The following LTBP1 variants were observed in gnomAD, a reference collection of about 807,000 sequenced individuals.
The protein encoded by LTBP1 is latent-transforming growth factor beta-binding protein 1.
A neutral mutation model predicts 207.6 loss-of-function variants in LTBP1; 129 were observed. That is an observed-to-expected ratio of 0.62 (90% CI 0.54 to 0.72). The LOEUF is 0.72. Among genes scored for constraint, LTBP1 ranks in the 30% least tolerant of loss-of-function variants. LTBP1 has a pLI of 0.00. For synonymous variants in LTBP1, 963 were observed against 833.7 expected, an observed-to-expected ratio of 1.16 and a Z score of -2.67; for missense variants, 2,281 against 2,217.2, an observed-to-expected ratio of 1.03 and a Z score of -0.58.
intron 24 of LTBP1, among the ~76,000 whole-genome samples, chr2:33,330,185 A>G (rs1038872626): frequency 2.6e-5 from 4 of 152,074 alleles, no homozygotes; most frequent in African/African-American, 7.2e-5. Flanking sequence ...TTACCAGTAT[A>G]TAGAGCTAAA....
chr2:33,107,626 C>A (rs1360327728), intron 3 of LTBP1, among the ~76,000 whole-genome samples: 2 of 152,168 alleles, frequency 1.3e-5, no homozygotes, highest in African/African-American at 2.4e-5. Context: ...AGCTCTTCAT[C>A]AGTACAGAGT....
chr2:33,256,025 A>G (rs1164595659), intron 11 of LTBP1, among the ~76,000 whole-genome samples: 1 of 150,882 alleles, frequency 6.6e-6, no homozygotes, highest in Non-Finnish European at 1.5e-5. Flanking sequence ...CCCCTTCACT[A>G]TTCATGGGGA....
chr2:33,055,643 A>T (rs2076958998), intron 3 of LTBP1, among the ~76,000 whole-genome samples: 1 of 152,198 alleles, frequency 6.6e-6, no homozygotes. Flanking sequence ...GTTTGATCTA[A>T]CAGTAGCATG....
Position 33,364,296 on chromosome 2 carries a change from ACTC to A in LTBP1, c.4481_4483del (p.Thr1494_His1495delinsAsn). ...AGAGGGCTCTTACAACTGCTTCTGT[ACTC>A]ACCCCATGGTCCTGGATGCGTCAGA... On this transcript the variant is annotated inframe_deletion, in exon 30 of 34. Transcript: ENST00000404816. The A allele has an allele frequency of 6.2e-7, 1 of 1,613,936 alleles. No homozygotes were observed. The highest frequency in any genetic ancestry group is 8.5e-7 in the Non-Finnish European group (1 of 1,179,936).
intron 3 of LTBP1, among the ~76,000 whole-genome samples, chr2:33,027,170 A>G (rs2075457436): frequency 6.6e-6 from 1 of 152,148 alleles, no homozygotes; most frequent in African/African-American, 2.4e-5. Context: ...CTCTTGATGG[A>G]TGTTTGGATT....
At chr2:33,119,657 T>C (rs1291634988) in intron 4 of LTBP1, among the ~76,000 whole-genome samples, 2 of 152,118 alleles carry the variant, frequency 1.3e-5, no homozygotes, top group Non-Finnish European at 2.9e-5. Context: ...CCCGGGTTCA[T>C]GCCATTCTTC....
At chr2:33,272,262 G>C (rs2093336892) in intron 15 of LTBP1, among the ~76,000 whole-genome samples, 1 of 152,168 alleles carries the variant, frequency 6.6e-6, no homozygotes, top group African/African-American at 2.4e-5. Flanking sequence ...TTTTACTGCA[G>C]AATAGACAGT....
At chr2:33,201,208 CAA>C (rs1254272298) in intron 7 of LTBP1, among the ~76,000 whole-genome samples, 2 of 152,036 alleles carry the variant, frequency 1.3e-5, no homozygotes, top group African/African-American at 2.4e-5. Flanking sequence ...TTCACAATAG[CAA>C]AGACTTGGAA....
At chr2:33,289,581 G>T (rs1213337165) in intron 19 of LTBP1, among the ~76,000 whole-genome samples, 1 of 152,112 alleles carries the variant, frequency 6.6e-6, no homozygotes, top group African/African-American at 2.4e-5. Context: ...GGCCAGACTG[G>T]TCTCAAACTC....
intron 2 of LTBP1, among the ~76,000 whole-genome samples, chr2:32,991,173 T>G (rs1684352005): frequency 6.6e-6 from 1 of 152,246 alleles, no homozygotes; most frequent in Admixed American, 6.5e-5. Context: ...AAACAGAAGA[T>G]ATGATCTTAT....
At chr2:33,028,963 G>T (rs1301373393) in intron 3 of LTBP1, among the ~76,000 whole-genome samples, 1 of 152,144 alleles carries the variant, frequency 6.6e-6, no homozygotes, top group Non-Finnish European at 1.5e-5. Context: ...TAGTACTCAT[G>T]AATATTCAAT....
chr2:33,221,388 T>A lies in LTBP1; in HGVS notation c.1805-692T>A, dbSNP rs528193487. Among the ~76,000 whole-genome samples the A allele has an allele frequency of 4.6e-5, 7 of 152,348 alleles. No homozygotes were observed. The South Asian group carries it at 1.0e-3, about 23-fold the overall frequency. On this transcript the variant is annotated intron_variant, in intron 8 of 33. Transcript: ENST00000404816. ...GCCACATCCCAGAACTTTGGCTGCATCCGCTATGCCAGGTGCTCTCTCAAG... is the reference window on the plus strand; with the variant it reads ...GCCACATCCCAGAACTTTGGCTGCAACCGCTATGCCAGGTGCTCTCTCAAG...
chr2:33,121,699 C>T (rs866148010), intron 4 of LTBP1, among the ~76,000 whole-genome samples: 2 of 152,152 alleles, frequency 1.3e-5, no homozygotes, highest in African/African-American at 4.8e-5. Flanking sequence ...TAATCCTCCC[C>T]CAAACAAAAT....
intron 3 of LTBP1, among the ~76,000 whole-genome samples, chr2:33,066,627 C>T (rs1462976483): frequency 6.6e-6 from 1 of 152,144 alleles, no homozygotes; most frequent in Non-Finnish European, 1.5e-5. Flanking sequence ...AAAGAATATA[C>T]GGTATGCTGA....
chr2:33,350,784 T>C (rs991869684), intron 26 of LTBP1, among the ~76,000 whole-genome samples: 7 of 147,612 alleles, frequency 4.7e-5, no homozygotes, highest in Non-Finnish European at 1.1e-4. Context: ...TTAGTGCCTG[T>C]GATAATTGCT....
At chr2:33,076,770 C>T (rs2078104388) in intron 3 of LTBP1, among the ~76,000 whole-genome samples, 1 of 151,974 alleles carries the variant, frequency 6.6e-6, no homozygotes, top group African/African-American at 2.4e-5. Flanking sequence ...CTCTTGACCT[C>T]GTGATCCACC....
At chr2:32,990,798 T>C (rs1034936698) in intron 2 of LTBP1, among the ~76,000 whole-genome samples, 24 of 152,202 alleles carry the variant, frequency 1.6e-4, no homozygotes, top group African/African-American at 5.5e-4. Flanking sequence ...TGCACAGCAT[T>C]TTCATCTTGG....
chr2:33,266,189 G>A (rs921613291), intron 15 of LTBP1, among the ~76,000 whole-genome samples: 1 of 152,214 alleles, frequency 6.6e-6, no homozygotes, highest in Admixed American at 6.5e-5. Flanking sequence ...AAGCCCAAGT[G>A]CTATTGCAAC....
intron 2 of LTBP1, among the ~76,000 whole-genome samples, chr2:32,966,591 T>G (rs1332398504): frequency 6.6e-6 from 1 of 152,104 alleles, no homozygotes; most frequent in East Asian, 1.9e-4. Flanking sequence ...TTATCATAAG[T>G]GAGTGTTGGA....
Sources: gnomAD v4.1 joint callset for allele counts (sites outside exome capture counted in the v4.1 genomes callset) on GRCh38, gnomAD v4.1.1 for gene constraint, MANE v1.5 for transcripts, NCBI Gene and HGNC (gene_info 2026-07-23, HGNC 2026-07-21) for gene names.